Variants in RPS6KA2 observed in about 807,000 individuals in gnomAD.
RPS6KA2 encodes ribosomal protein S6 kinase A2.
In RPS6KA2, 42 loss-of-function variants were observed where a neutral mutation model predicts 91.8. The observed-to-expected ratio is 0.46, with a 90% CI of 0.36 to 0.59. The LOEUF is 0.59. Ranked by LOEUF, RPS6KA2 falls within the 20% of genes least tolerant of loss-of-function variation. The pLI, the probability that RPS6KA2 is intolerant of heterozygous loss-of-function variation, is 0.00. For missense variants in RPS6KA2, 798 were observed against 978.5 expected, an observed-to-expected ratio of 0.82 and a Z score of 2.46; for synonymous variants, 414 against 393.6, an observed-to-expected ratio of 1.05 and a Z score of -0.61.
intron 2 of RPS6KA2, among the ~76,000 whole-genome samples, chr6:166,813,733 GTCTCT>G (rs1274747721): frequency 6.6e-6 from 1 of 152,172 alleles, no homozygotes; most frequent in Non-Finnish European, 1.5e-5. Flanking sequence ...CCGTATCTGT[GTCTCT>G]TCTAAGGATG....
At chr6:166,543,815 G>GTGTGTGCACGTGTGTGTGCGCA (rs1240714306) in intron 1 of RPS6KA2, among the ~76,000 whole-genome samples, 9 of 152,274 alleles carry the variant, frequency 5.9e-5, no homozygotes, top group Admixed American at 5.9e-4. Flanking sequence ...ACTGTCCTGA[G>GTGTGTGCACGTGTGTGTGCGCA]TGTGTGCACG....
In RPS6KA2 at chr6:166,418,147, A is replaced by G. The variant is rs527260044; in HGVS notation, c.1938+78T>C. 2 of 974,758 alleles carry G rather than the reference A, an allele frequency of 2.1e-6. No homozygotes were observed. The highest frequency in any genetic ancestry group is 2.4e-5 in the East Asian group (1 of 41,606). The allele number at this position is 974,758 out of a possible 1,614,324, so 60.4% of individuals were successfully genotyped here. A position where few individuals can be genotyped will look rare whatever the true frequency, so the allele number is the denominator to read the frequency against. On this transcript the variant is annotated intron_variant, in intron 19 of 20. Coordinates refer to ENST00000265678, the MANE Select transcript of RPS6KA2 (RefSeq NM_021135.6). This position sits in a 1 kb window ranked among gnomAD's most constrained non-coding sequence, Gnocchi z 4.9. The stretch of plus-strand genomic sequence containing the variant: ...TACCTATACTACTTACATAAAACCT[A>G]TCCCCTGGCTTCCTCAGAAATCATA...
At chr6:166,735,251 C>A (rs1421788079) in intron 2 of RPS6KA2, among the ~76,000 whole-genome samples, 1 of 152,176 alleles carries the variant, frequency 6.6e-6, no homozygotes, top group Non-Finnish European at 1.5e-5. Flanking sequence ...CAATTATTTG[C>A]AAAAGCAAAC....
At chr6:166,482,532 T>C (rs1283501029) in intron 10 of RPS6KA2, among the ~76,000 whole-genome samples, 1 of 152,190 alleles carries the variant, frequency 6.6e-6, no homozygotes, top group Admixed American at 6.5e-5. Flanking sequence ...AATAGTTTGT[T>C]TTTGTCTCAG....
intron 1 of RPS6KA2, among the ~76,000 whole-genome samples, chr6:166,608,253 T>C (rs1010349215): frequency 2.0e-5 from 3 of 152,206 alleles, no homozygotes; most frequent in African/African-American, 2.4e-5. Context: ...GCAAACAATA[T>C]GGTATATTTT....
At chr6:166,535,245 G>A (rs770837142) in intron 2 of RPS6KA2, among the ~76,000 whole-genome samples, 1 of 152,152 alleles carries the variant, frequency 6.6e-6, no homozygotes, top group Non-Finnish European at 1.5e-5. Context: ...GCCTCATGAT[G>A]TCATGGATCA....
At chr6:166,510,240 T>C in intron 4 of RPS6KA2, 37 bp downstream of exon 4, 1 of 1,303,974 alleles carries the variant, frequency 7.7e-7, no homozygotes, top group Admixed American at 1.8e-5. Flanking sequence ...AAGGTTGCCC[T>C]GGGTCCTCTT....
intron 10 of RPS6KA2, among the ~76,000 whole-genome samples, chr6:166,474,449 T>C (rs934401055): frequency 1.3e-5 from 2 of 152,302 alleles, no homozygotes; most frequent in Admixed American, 1.3e-4. Flanking sequence ...TTCTAACCTT[T>C]CCCTCACTTT....
In RPS6KA2 at chr6:166,437,987, C is replaced by T. The variant is rs1191295977; in HGVS notation, c.1333-5497G>A. On this transcript the variant is annotated intron_variant, in intron 14 of 20. Coordinates refer to ENST00000265678, the MANE Select transcript of RPS6KA2 (RefSeq NM_021135.6). This position sits in a 1 kb window ranked among gnomAD's most constrained non-coding sequence, Gnocchi z 4.3. ...GCAGATGGCTTTGAGGCAGTAACTA[C>T]GCGGGCAGTGGCATGAGCTCACAGG... is the stretch of plus-strand genomic sequence containing the variant. 2.6e-5 allele frequency among the ~76,000 whole-genome samples: 4 copies of T among 152,352 alleles called. No homozygotes were observed. In the East Asian group the frequency reaches 5.8e-4, roughly 22 times the overall value.
In RPS6KA2 at chr6:166,626,872, G is replaced by A. The variant is rs982235707; in HGVS notation, c.99+49C>T. On this transcript the variant is annotated intron_variant, in intron 1 of 20. Coordinates refer to ENST00000265678, the MANE Select transcript of RPS6KA2 (RefSeq NM_021135.6). This position sits in a 1 kb window ranked among gnomAD's most constrained non-coding sequence, Gnocchi z 4.1. Reference sequence around the variant, plus strand: ...TGGCGAGGCGGGCTCGGGCGACCACGGCCCGCTCAGTGCCCGGCACCTGCG... The same window carrying A: ...TGGCGAGGCGGGCTCGGGCGACCACAGCCCGCTCAGTGCCCGGCACCTGCG... 1.1e-5 allele frequency: 15 copies of A among 1,395,360 alleles called. No homozygotes were observed. The Admixed American group carries it at 1.6e-4, about 15-fold the overall frequency. 86.4% of individuals were successfully genotyped at this position (1,395,360 alleles called of 1,614,324 possible).
chr6:166,597,888 C>T (rs765657630), intron 1 of RPS6KA2, among the ~76,000 whole-genome samples: 20 of 152,134 alleles, frequency 1.3e-4, no homozygotes, highest in Admixed American at 3.3e-4. Flanking sequence ...AGCCGGGCAC[C>T]GTGCTATTGT....
chr6:166,701,060 G>T, intron 2 of RPS6KA2: 1 of 1,456,352 alleles, frequency 6.9e-7, no homozygotes, highest in Non-Finnish European at 9.6e-7. Flanking sequence ...CTTTGGTTTG[G>T]CATCTGCCTC....
intron 10 of RPS6KA2, among the ~76,000 whole-genome samples, chr6:166,471,909 T>C (rs759469041): frequency 1.7e-4 from 26 of 152,332 alleles, no homozygotes; most frequent in Middle Eastern, 3.4e-3. Context: ...TCCCAGGCCT[T>C]TGCAATCGCA....
intron 1 of RPS6KA2, among the ~76,000 whole-genome samples, chr6:166,624,616 G>C (rs112364526): frequency 2.0e-3 from 305 of 152,186 alleles, no homozygotes; most frequent in African/African-American, 7.0e-3. Flanking sequence ...TGTCTTTTTG[G>C]ACACAGTATC....
At chr6:166,645,593 C>T (rs1224162425) in intron 2 of RPS6KA2, among the ~76,000 whole-genome samples, 3 of 152,322 alleles carry the variant, frequency 2.0e-5, no homozygotes, top group Middle Eastern at 3.4e-3. Flanking sequence ...GGTTACAGGA[C>T]CTCCTGGAGC....
At chr6:166,458,457 C>G (rs1192475319) in intron 12 of RPS6KA2, among the ~76,000 whole-genome samples, 1 of 152,218 alleles carries the variant, frequency 6.6e-6, no homozygotes, top group Non-Finnish European at 1.5e-5. Context: ...ATTCACTAAA[C>G]TTCTTTCTTT....
chr6:166,539,285 G>A (rs1249919036), intron 1 of RPS6KA2, among the ~76,000 whole-genome samples: 1 of 152,198 alleles, frequency 6.6e-6, no homozygotes, highest in African/African-American at 2.4e-5. Context: ...GGCCTTCATG[G>A]TTTCTTTTCT....
intron 2 of RPS6KA2, among the ~76,000 whole-genome samples, chr6:166,846,879 G>T (rs1583175234): frequency 6.6e-6 from 1 of 152,098 alleles, no homozygotes; most frequent in East Asian, 1.9e-4. Context: ...ACAAGAGAAA[G>T]AAATCAAGGG....
chr6:166,464,144 G>A (rs1221629326), intron 11 of RPS6KA2, among the ~76,000 whole-genome samples: 7 of 152,156 alleles, frequency 4.6e-5, no homozygotes, highest in Non-Finnish European at 8.8e-5. Context: ...CACTCTCTGC[G>A]CCATACTGCA....
Sources: allele counts gnomAD v4.1 joint callset (sites outside exome capture counted in the v4.1 genomes callset), GRCh38; gene constraint gnomAD v4.1.1; non-coding constraint Gnocchi (gnomAD v3.1); transcripts MANE v1.5; gene names NCBI Gene and HGNC (gene_info 2026-07-23, HGNC 2026-07-21).